The following CNOT1 variants were observed in gnomAD, a reference collection of about 807,000 sequenced individuals.
CNOT1 encodes CCR4-associated factor 1.
A neutral mutation model predicts 273.8 loss-of-function variants in CNOT1; 15 were observed. The ratio of observed to expected loss-of-function variants is 0.05; its 90% CI spans 0.04 to 0.08. The LOEUF (loss-of-function observed/expected upper bound fraction) is 0.08, where lower values mean the gene tolerates loss of function less well. Ranked by LOEUF, CNOT1 falls within the 10% of genes least tolerant of loss-of-function variation. CNOT1 has a pLI of 1.00. For missense variants in CNOT1, 1,644 were observed against 2,912.2 expected, an observed-to-expected ratio of 0.56 and a Z score of 10.02; for synonymous variants, 1,022 against 1,005.5, an observed-to-expected ratio of 1.02 and a Z score of -0.31.
chr16:58,582,561 T>C lies in CNOT1; in HGVS notation c.1044+232A>G, dbSNP rs142180721. ...GTGGCAAGATAATTATGATTTTCAC[T>C]GTTCTTATCCACCATAAACAAGAGT... is the stretch of plus-strand genomic sequence containing the variant. On this transcript the variant is annotated intron_variant, in intron 10 of 48. Coordinates refer to ENST00000317147, the MANE Select transcript of CNOT1 (RefSeq NM_016284.5). Among the ~76,000 whole-genome samples the C allele has an allele frequency of 4.6e-5, 7 of 152,334 alleles. No homozygotes were observed. In the East Asian group the frequency reaches 1.4e-3, roughly 29 times the overall value.
chr16:58,531,145 A>C lies in CNOT1; in HGVS notation c.6178-798T>G, dbSNP rs187537521. ...TCAGCCTGCTCACCCTCCCCCAACT[A>C]TACCAATTATGTTCAATTAATTCTT... On this transcript the variant is annotated intron_variant, in intron 42 of 48. Transcript: ENST00000317147. Among the ~76,000 whole-genome samples, 7 of 152,292 alleles carry C rather than the reference A, an allele frequency of 4.6e-5. No homozygotes were observed. The East Asian group carries it at 1.4e-3, about 29-fold the overall frequency.
intron 1 of CNOT1, among the ~76,000 whole-genome samples, chr16:58,604,165 A>G (rs943497882): frequency 3.9e-5 from 6 of 152,314 alleles, no homozygotes; most frequent in South Asian, 2.1e-4. Flanking sequence ...ACACAGCTGT[A>G]AACAGCCTTC....
At chr16:58,572,565 T>C (rs2041311904) in intron 16 of CNOT1, among the ~76,000 whole-genome samples, 1 of 151,536 alleles carries the variant, frequency 6.6e-6, no homozygotes, top group Admixed American at 6.6e-5. Flanking sequence ...CAGTGAGCCA[T>C]AATCATGCCA....
intron 2 of CNOT1, among the ~76,000 whole-genome samples, chr16:58,595,486 AC>A (rs1218663216): frequency 6.6e-6 from 1 of 151,724 alleles, no homozygotes; most frequent in Non-Finnish European, 1.5e-5. Flanking sequence ...CCAAAAAGCA[AC>A]CCCTTAATCA....
intron 31 of CNOT1, chr16:58,543,231 T>C (rs985024501): frequency 6.5e-6 from 10 of 1,535,702 alleles, no homozygotes; most frequent in Non-Finnish European, 8.8e-6. Context: ...GAAAAGTGTG[T>C]GCACATGCAA....
rs1403198417 is a variant in CNOT1 at position 58,585,523 on chromosome 16, G to A, written c.638-17C>T. The A allele has an allele frequency of 6.2e-7, 1 of 1,609,012 alleles. No individual in the cohort carries two copies. The highest frequency in any genetic ancestry group is 8.5e-7 in the Non-Finnish European group (1 of 1,178,868). On this transcript the variant is annotated splice_polypyrimidine_tract_variant and intron_variant, in intron 7 of 48. Coordinates refer to ENST00000317147, the MANE Select transcript of CNOT1 (RefSeq NM_016284.5). ...GGGGAAAATCTGAGAGAGGAAAAAGGTTACAACTGCTATACTAATTAAAAA... is the reference window on the plus strand; with the variant it reads ...GGGGAAAATCTGAGAGAGGAAAAAGATTACAACTGCTATACTAATTAAAAA...
At chr16:58,565,981 C>T (rs1356631270) in intron 16 of CNOT1, among the ~76,000 whole-genome samples, 1 of 147,154 alleles carries the variant, frequency 6.8e-6, no homozygotes, top group Non-Finnish European at 1.5e-5. Context: ...TGTAGAATGT[C>T]CCTTGATTTG....
Position 58,581,470 on chromosome 16 carries a change from G to A in CNOT1, c.1090C>T (p.Pro364Ser). 6.2e-7 allele frequency: 1 copy of A among 1,613,828 alleles called. No individual in the cohort carries two copies. Among genetic ancestry groups the A allele is most frequent in the Non-Finnish European group, 8.5e-7 (1 of 1,179,916 alleles). Residue 364 changes from proline (P) to serine (S), a missense_variant, in exon 11 of 49, where the codon CCT becomes TCT. Pro to Ser is a moderately conservative substitution (Grantham distance 74). Coordinates refer to ENST00000317147, the MANE Select transcript of CNOT1 (RefSeq NM_016284.5). ...FKEVTYELDHPGFQIRDSKGL... is the reference protein window; with the variant it reads ...FKEVTYELDHSGFQIRDSKGL... Reference sequence around the variant, plus strand: ...TTACTGTCACGAATTTGAAATCCAGGATGGTCCAGTTCATAAGTTACTTCC... The same window carrying A: ...TTACTGTCACGAATTTGAAATCCAGAATGGTCCAGTTCATAAGTTACTTCC...
chr16:58,617,315 T>G (rs1248335175), intron 1 of CNOT1, among the ~76,000 whole-genome samples: 1 of 151,992 alleles, frequency 6.6e-6, no homozygotes, highest in East Asian at 1.9e-4. Flanking sequence ...GAGCCATGAT[T>G]GCACCACTGC....
intron 18 of CNOT1, among the ~76,000 whole-genome samples, chr16:58,558,024 C>T (rs140880922): frequency 1.3e-5 from 2 of 152,002 alleles, no homozygotes; most frequent in African/African-American, 4.8e-5. Context: ...CGAAAAAAAA[C>T]CTTAAAATGT....
chr16:58,568,470 G>A (rs1390452000), intron 16 of CNOT1, among the ~76,000 whole-genome samples: 1 of 152,094 alleles, frequency 6.6e-6, no homozygotes, highest in Non-Finnish European at 1.5e-5. Context: ...CAGATCACGA[G>A]GTCAAGAGAT....
intron 2 of CNOT1, among the ~76,000 whole-genome samples, chr16:58,593,363 C>T (rs983905238): frequency 1.8e-4 from 28 of 152,164 alleles, no homozygotes; most frequent in Middle Eastern, 3.4e-3. Flanking sequence ...AGTTCGAGAC[C>T]GGCCTGACCA....
At chr16:58,530,892 G>T (rs754556662) in intron 42 of CNOT1, among the ~76,000 whole-genome samples, 7 of 152,154 alleles carry the variant, frequency 4.6e-5, no homozygotes, top group Non-Finnish European at 7.3e-5. Flanking sequence ...ACTGGCTCCA[G>T]AGATTTCAAG....
chr16:58,551,323 T>C (rs1162847799), intron 23 of CNOT1, 51 bp from the exon 24 acceptor site: 1 of 1,514,556 alleles, frequency 6.6e-7, no homozygotes, highest in Non-Finnish European at 8.8e-7. Context: ...AATGCTTCCC[T>C]GAAAAAAATC....
intron 16 of CNOT1, among the ~76,000 whole-genome samples, 164 bp from the exon 17 acceptor site, chr16:58,560,526 G>A (rs201471415): frequency 4.0e-5 from 6 of 151,772 alleles, no homozygotes; most frequent in African/African-American, 1.2e-4. Context: ...TCTGCCCCCC[G>A]GGTTCAAGCG....
chr16:58,563,824 AAC>A (rs1170297041), intron 16 of CNOT1, among the ~76,000 whole-genome samples: 1 of 152,224 alleles, frequency 6.6e-6, no homozygotes, highest in African/African-American at 2.4e-5. Context: ...TGCGATACCT[AAC>A]ACAATCGCAG....
Position 58,551,834 on chromosome 16 carries a change from A to G in CNOT1, c.2971-15T>C, listed in dbSNP as rs750118608. Reference sequence around the variant, plus strand: ...TACTCAATATACTAAAAGGGTAGGGAGAGGAAAAAGAGTTAACCTTAATTG... The same window carrying G: ...TACTCAATATACTAAAAGGGTAGGGGGAGGAAAAAGAGTTAACCTTAATTG... On this transcript the variant is annotated splice_polypyrimidine_tract_variant and intron_variant, in intron 22 of 48. Transcript: ENST00000317147. 10 of 1,612,030 alleles carry G rather than the reference A, an allele frequency of 6.2e-6. No homozygotes were observed. The highest frequency in any genetic ancestry group is 3.4e-6 in the Non-Finnish European group (4 of 1,178,518).
chr16:58,560,374 G>A lies in CNOT1; in HGVS notation c.1980-12C>T. 6.2e-7 allele frequency: 1 copy of A among 1,611,154 alleles called. No individual in the cohort carries two copies. The highest frequency in any genetic ancestry group is 1.1e-5 in the South Asian group (1 of 90,486). Reference sequence around the variant, plus strand: ...CCTGAGAAACACTCCTAAAATAGAGGGGAAAAGGTAAAAAATATCAGTTCC... The same window carrying A: ...CCTGAGAAACACTCCTAAAATAGAGAGGAAAAGGTAAAAAATATCAGTTCC... On this transcript the variant is annotated splice_polypyrimidine_tract_variant and intron_variant, in intron 16 of 48. Coordinates refer to ENST00000317147, the MANE Select transcript of CNOT1 (RefSeq NM_016284.5).
chr16:58,589,272 G>C (rs1444739824), intron 2 of CNOT1, among the ~76,000 whole-genome samples: 1 of 152,152 alleles, frequency 6.6e-6, no homozygotes, highest in Non-Finnish European at 1.5e-5. Flanking sequence ...CAGCACTTTG[G>C]GAGGCCGAGG....
Sources: allele counts gnomAD v4.1 joint callset (sites outside exome capture counted in the v4.1 genomes callset), GRCh38; gene constraint gnomAD v4.1.1; transcripts MANE v1.5; gene names NCBI Gene and HGNC (gene_info 2026-07-23, HGNC 2026-07-21).